Variants in RBFOX1 observed in about 807,000 individuals in gnomAD.
RBFOX1 encodes RNA binding protein fox-1 homolog 1.
In RBFOX1, 8 loss-of-function variants were observed where a neutral mutation model predicts 57.7. The observed-to-expected ratio is 0.14, with a 90% CI of 0.08 to 0.25. RBFOX1 has a LOEUF of 0.25. RBFOX1 is among the 10% of genes least tolerant of loss of function. The pLI, the probability that RBFOX1 is intolerant of heterozygous loss-of-function variation, is 1.00. For missense variants in RBFOX1, 611 were observed against 548.5 expected, an observed-to-expected ratio of 1.11 and a Z score of -1.14; for synonymous variants, 326 against 222.4, an observed-to-expected ratio of 1.47 and a Z score of -4.15.
intron 2 of RBFOX1, among the ~76,000 whole-genome samples, chr16:6,409,388 A>C (rs947315235): frequency 2.0e-4 from 30 of 152,192 alleles, no homozygotes; most frequent in African/African-American, 6.5e-4. Context: ...CCCTCCAGCC[A>C]GGGCAACGGG....
At chr16:5,807,975 T>G (rs551694766) in intron 3 of RBFOX1, among the ~76,000 whole-genome samples, 1 of 152,322 alleles carries the variant, frequency 6.6e-6, no homozygotes, top group South Asian at 2.1e-4. Flanking sequence ...TTCAATTTCC[T>G]CCTTCCTTCT....
intron 3 of RBFOX1, among the ~76,000 whole-genome samples, chr16:5,622,736 CTG>C (rs1164765889): frequency 6.6e-6 from 1 of 152,196 alleles, no homozygotes; most frequent in Non-Finnish European, 1.5e-5. Context: ...GCAAGGGAGA[CTG>C]TGTGGCCCTC....
At chr16:6,325,211 T>C (rs2152796819) in intron 2 of RBFOX1, among the ~76,000 whole-genome samples, 1 of 152,102 alleles carries the variant, frequency 6.6e-6, no homozygotes, top group South Asian at 2.1e-4. Flanking sequence ...TTTAAAAAAT[T>C]ATCCAGGCAT....
At chr16:6,254,225 C>T (rs552357984) in intron 1 of RBFOX1, among the ~76,000 whole-genome samples, 1 of 152,256 alleles carries the variant, frequency 6.6e-6, no homozygotes, top group East Asian at 1.9e-4. Context: ...TATAGGTTAT[C>T]ATGCAGTGAG....
At chr16:7,650,617 A>G (rs539336868) in intron 11 of RBFOX1, among the ~76,000 whole-genome samples, 5 of 152,196 alleles carry the variant, frequency 3.3e-5, no homozygotes, top group African/African-American at 9.6e-5. Context: ...CAACATCTAA[A>G]TCCTCCAAGA....
intron 3 of RBFOX1, among the ~76,000 whole-genome samples, chr16:5,663,879 G>C (rs1016797563): frequency 6.6e-6 from 1 of 152,202 alleles, no homozygotes; most frequent in African/African-American, 2.4e-5. Flanking sequence ...TGGTGGGGAA[G>C]CTTCCCTTGA....
At chr16:7,185,203 C>G (rs903610645) in intron 4 of RBFOX1, among the ~76,000 whole-genome samples, 4 of 152,188 alleles carry the variant, frequency 2.6e-5, no homozygotes, top group Admixed American at 2.6e-4. Flanking sequence ...ACCTCTCTCT[C>G]TCTCTCTGCA....
chr16:7,511,591 G>C (rs986251709), intron 4 of RBFOX1, among the ~76,000 whole-genome samples: 3 of 152,108 alleles, frequency 2.0e-5, no homozygotes, highest in Admixed American at 6.5e-5. Flanking sequence ...GCTATTTCAT[G>C]CTTCAGTAAA....
chr16:6,874,649 G>A (rs2061518771), intron 3 of RBFOX1, among the ~76,000 whole-genome samples: 1 of 151,944 alleles, frequency 6.6e-6, no homozygotes, highest in Non-Finnish European at 1.5e-5. Context: ...CACTTACAAT[G>A]GTTTTCCATT....
chr16:7,419,444 C>T (rs955427050), intron 4 of RBFOX1, among the ~76,000 whole-genome samples: 2 of 152,212 alleles, frequency 1.3e-5, no homozygotes, highest in Non-Finnish European at 2.9e-5. Flanking sequence ...CGCCTTGGCG[C>T]AATGCAACCG....
At chr16:6,913,766 T>C (rs138295943) in intron 3 of RBFOX1, among the ~76,000 whole-genome samples, 139 of 152,190 alleles carry the variant, frequency 9.1e-4, no homozygotes, top group Middle Eastern at 3.4e-3. Flanking sequence ...TTAAGTCCAC[T>C]GTGGGAAGCT....
At chr16:6,615,605 G>T (rs1294515878) in intron 2 of RBFOX1, among the ~76,000 whole-genome samples, 1 of 151,706 alleles carries the variant, frequency 6.6e-6, no homozygotes, top group African/African-American at 2.4e-5. Flanking sequence ...AATAAATATG[G>T]CCACAGGAAA....
chr16:5,672,502 C>T (rs2050042251), intron 3 of RBFOX1, among the ~76,000 whole-genome samples: 1 of 152,122 alleles, frequency 6.6e-6, no homozygotes, highest in South Asian at 2.1e-4. Context: ...GACAAGCACA[C>T]CCCTCCAGAC....
chr16:7,052,927 C>A (rs964388776), intron 4 of RBFOX1, among the ~76,000 whole-genome samples: 1 of 152,104 alleles, frequency 6.6e-6, no homozygotes, highest in Non-Finnish European at 1.5e-5. Flanking sequence ...GCCTTATAGC[C>A]ATGTTTTCAA....
chr16:5,494,594 G>A (rs917786471), intron 2 of RBFOX1, among the ~76,000 whole-genome samples: 1 of 152,228 alleles, frequency 6.6e-6, no homozygotes, highest in Non-Finnish European at 1.5e-5. Flanking sequence ...TCTCCCACGA[G>A]GTCTTCTGGA....
Position 6,171,028 on chromosome 16 carries a change from G to A in RBFOX1, c.-126-145967G>A, listed in dbSNP as rs547076637. ...AGGTTGATGCCATGTCTTTGCTATT[G>A]TGAATAGTGCTGCAGTGAACATTTG... On this transcript the variant is annotated intron_variant, in intron 1 of 15. Transcript: ENST00000550418. 4.6e-5 allele frequency among the ~76,000 whole-genome samples: 7 copies of A among 152,222 alleles called. No individual in the cohort carries two copies. In the East Asian group the frequency reaches 1.4e-3, roughly 29 times the overall value.
intron 3 of RBFOX1, among the ~76,000 whole-genome samples, chr16:6,979,332 T>C (rs1682872022): frequency 6.6e-6 from 1 of 152,182 alleles, no homozygotes; most frequent in African/African-American, 2.4e-5. Flanking sequence ...CAGTTGAGGG[T>C]AGCTATTAGC....
At chr16:7,034,607 A>T (rs543498040) in intron 3 of RBFOX1, among the ~76,000 whole-genome samples, 1 of 151,986 alleles carries the variant, frequency 6.6e-6, no homozygotes, top group East Asian at 1.9e-4. Flanking sequence ...GATCCCTGGC[A>T]ATGTTTTTGT....
chr16:7,204,384 G>C (rs568312245), intron 4 of RBFOX1, among the ~76,000 whole-genome samples: 2 of 150,660 alleles, frequency 1.3e-5, no homozygotes, highest in African/African-American at 4.9e-5. Context: ...GCATATACCT[G>C]AAATCCCAGT....
Sources: allele counts gnomAD v4.1 joint callset (sites outside exome capture counted in the v4.1 genomes callset), GRCh38; gene constraint gnomAD v4.1.1; transcripts MANE v1.5; gene names NCBI Gene and HGNC (gene_info 2026-07-23, HGNC 2026-07-21).